PRDM11: variants seen among roughly 807,000 people sequenced by gnomAD.
PRDM11 encodes the protein PR domain-containing protein 11.
A neutral mutation model predicts 97.8 loss-of-function variants in PRDM11; 20 were observed. That is an observed-to-expected ratio of 0.20 (90% CI 0.14 to 0.30). The LOEUF (loss-of-function observed/expected upper bound fraction) is 0.30, where lower values mean the gene tolerates loss of function less well. Ranked by LOEUF, PRDM11 falls within the 10% of genes least tolerant of loss-of-function variation. The probability of loss-of-function intolerance (pLI) is 1.00; values close to 1 mark genes in which losing one functional copy is unlikely to be tolerated. For missense variants in PRDM11, 1,139 were observed against 1,555.2 expected (o/e 0.73, Z 4.50); for synonymous variants, 599 against 637.7 (o/e 0.94, Z 0.91).
chr11:45,164,527 C>T (rs557243130), intron 1 of PRDM11, among the ~76,000 whole-genome samples: 10 of 152,262 alleles, frequency 6.6e-5, no homozygotes, highest in East Asian at 5.8e-4. Flanking sequence ...CGCCAGCCAC[C>T]GTGAGGGCTG....
chr11:45,165,543 T>A (rs1274820939), intron 1 of PRDM11, among the ~76,000 whole-genome samples: 1 of 152,188 alleles, frequency 6.6e-6, no homozygotes, highest in Non-Finnish European at 1.5e-5. Flanking sequence ...GGGGCACATG[T>A]GAATGACACA....
At chr11:45,224,883 T>C (rs1266958774) in intron 7 of PRDM11, 40 bp downstream of exon 7, 1 of 1,606,548 alleles carries the variant, frequency 6.2e-7, no homozygotes, top group South Asian at 1.1e-5. Context: ...GAGGGCAGAG[T>C]ACGCAGTGGG....
rs1449834089 is a variant in PRDM11, at chr11:45,232,137, A to C, written c.*3978A>C. 6.6e-6 allele frequency: 1 copy of C among 152,196 alleles called. No individual in the cohort carries two copies. Among genetic ancestry groups the C allele is most frequent in the African/African-American group, 2.4e-5 (1 of 41,442 alleles). The allele number at this position is 152,196 out of a possible 1,614,324, so 9.4% of individuals were successfully genotyped here. A position where few individuals can be genotyped will look rare whatever the true frequency, so the allele number is the denominator to read the frequency against. On this transcript the variant is annotated 3_prime_UTR_variant, in exon 8 of 8. Coordinates refer to ENST00000683152, the MANE Select transcript of PRDM11 (RefSeq NM_001384648.1). ...TTGTAATTACTTAAGGTAATGTTTA[A>C]ATGTTTTCCATTCATTTGGAGGTGG... is the stretch of plus-strand genomic sequence containing the variant.
intron 1 of PRDM11, among the ~76,000 whole-genome samples, chr11:45,160,969 G>A (rs1851913668): frequency 6.6e-6 from 1 of 152,154 alleles, no homozygotes; most frequent in Non-Finnish European, 1.5e-5. Context: ...TCAAAGGCAT[G>A]GCTTTGTGTG....
chr11:45,156,717 C>G (rs1461876944), intron 1 of PRDM11, among the ~76,000 whole-genome samples: 1 of 152,182 alleles, frequency 6.6e-6, no homozygotes, highest in Non-Finnish European at 1.5e-5. Flanking sequence ...TAGGATGCGC[C>G]TGGCTTGCTC....
chr11:45,224,696 A>G lies in PRDM11; in HGVS notation c.1222A>G (p.Thr408Ala), dbSNP rs1854223057. 1 of 1,613,750 alleles carries G rather than the reference A, an allele frequency of 6.2e-7. No homozygotes were observed. Among genetic ancestry groups the G allele is most frequent in the African/African-American group, 1.3e-5 (1 of 74,788 alleles). The change falls in exon 7 of 8, where the codon ACC becomes GCC. Residue 408 changes from threonine (T) to alanine (A), a missense_variant. Around this residue, in one of 2 missense-constraint regions of PRDM11, gnomAD observed 710 missense variants for 1,044.9 expected, o/e 0.68. Coordinates refer to ENST00000683152, the MANE Select transcript of PRDM11 (RefSeq NM_001384648.1). ...LASDPHELPT[T>A]SFCPNCIRLK... ...ATCTGACCCTCATGAACTTCCCACC[A>G]CCTCTTTTTGCCCTAACTGTATTCG... is the stretch of plus-strand genomic sequence containing the variant.
Position 45,228,122 on chromosome 11 carries a change from C to T in PRDM11, c.3497C>T (p.Thr1166Ile), listed in dbSNP as rs1854321033. Residue 1166 changes from threonine (T) to isoleucine (I), a missense_variant, in exon 8 of 8, where the codon ACC becomes ATC. This residue lies in a region of PRDM11 where 710 missense variants were observed against 1,044.9 expected (regional missense o/e 0.68). Transcript: ENST00000683152. ...SALEQKPALQTMDHGTEFYPD... is the reference protein window; with the variant it reads ...SALEQKPALQIMDHGTEFYPD... Reference sequence around the variant, plus strand: ...CTGGAGCAGAAGCCAGCACTACAGACCATGGACCACGGGACGGAGTTTTAC... The same window carrying T: ...CTGGAGCAGAAGCCAGCACTACAGATCATGGACCACGGGACGGAGTTTTAC... 6.5e-7 allele frequency: 1 copy of T among 1,531,784 alleles called. No homozygotes were observed. Among genetic ancestry groups the T allele is most frequent in the Non-Finnish European group, 8.7e-7 (1 of 1,145,216 alleles). The allele number at this position is 1,531,784 out of a possible 1,614,324, so 94.9% of individuals were successfully genotyped here.
In PRDM11 at chr11:45,119,619, C is replaced by CAA. The variant is rs56367204; in HGVS notation, c.96+23747_96+23748dup. On this transcript the variant is annotated intron_variant, in intron 1 of 6. Coordinates refer to the PRDM11 transcript ENST00000530656. ...CCTGGGTGACAGCGAGATTCTGTCT[C>CAA]AAAAAAAAAAAAAAAAAAAAAAAAA... is the stretch of plus-strand genomic sequence containing the variant. Among the ~76,000 whole-genome samples the CAA allele has an allele frequency of 5.8e-3, 251 of 43,072 alleles. 20 individuals are homozygous for CAA. Among genetic ancestry groups the CAA allele is most frequent in the African/African-American group, 0.015 (112 of 7,516 alleles). The allele number at this position is 43,072 out of a possible 152,430, so 28.3% of individuals were successfully genotyped here.
chr11:45,220,894 G>A (rs1267413980), intron 6 of PRDM11, among the ~76,000 whole-genome samples: 1 of 151,782 alleles, frequency 6.6e-6, no homozygotes, highest in Non-Finnish European at 1.5e-5. Flanking sequence ...CTTCTTTCAA[G>A]GGTGTTTTTT....
At position 45,101,567 on chromosome 11, in the gene PRDM11, A is replaced by AG. The variant is rs1554963214; in HGVS notation, c.96+5666_96+5667insG. On this transcript the variant is annotated intron_variant, in intron 1 of 6. Coordinates refer to the PRDM11 transcript ENST00000530656. Reference sequence around the variant, plus strand: ...CAACACTCTGTCTCAAAAAAAAAAAAAAGAAGAAGAAGAAGAAGAAGAAGA... The same window carrying AG: ...CAACACTCTGTCTCAAAAAAAAAAAAGAAGAAGAAGAAGAAGAAGAAGAAGA... Among the ~76,000 whole-genome samples the AG allele has an allele frequency of 1.5e-3, 141 of 96,848 alleles. 3 individuals carry two copies. The highest frequency in any genetic ancestry group is 3.9e-3 in the East Asian group (18 of 4,610). The allele number at this position is 96,848 out of a possible 152,430, so 63.5% of individuals were successfully genotyped here.
Position 45,217,795 on chromosome 11 carries a change from T to TA in PRDM11, c.555-1774dup. On this transcript the variant is annotated intron_variant, in intron 5 of 7. Transcript: ENST00000683152. ...GCTAGCTGCCACCACTGTCACCTCA[T>TA]ACTGGAATTGGCATTCGTATATTTC... Among the ~76,000 whole-genome samples the TA allele has an allele frequency of 2.0e-5, 3 of 152,382 alleles. No individual in the cohort carries two copies. In the East Asian group the frequency reaches 5.8e-4, roughly 29 times the overall value.
intron 1 of PRDM11, among the ~76,000 whole-genome samples, chr11:45,096,851 G>A (rs957871548): frequency 1.3e-5 from 2 of 152,192 alleles, no homozygotes; most frequent in African/African-American, 2.4e-5. Flanking sequence ...TCATTTCCAA[G>A]TACATTCTCT....
chr11:45,095,742 A>G (rs1465119999), upstream of PRDM11: 9 of 692,442 alleles, frequency 1.3e-5, no homozygotes, highest in Admixed American at 2.3e-5. Flanking sequence ...AATGCAGATT[A>G]TGATGGCCGC....
chr11:45,180,727 G>A (rs1590410864), intron 1 of PRDM11, among the ~76,000 whole-genome samples: 3 of 149,844 alleles, frequency 2.0e-5, no homozygotes, highest in Non-Finnish European at 3.0e-5. Flanking sequence ...GGAGCTCCCC[G>A]CCGGGAAGGC....
At position 45,224,628 on chromosome 11, in the gene PRDM11, C is replaced by G; in HGVS notation, c.1154C>G (p.Pro385Arg). 1 of 1,614,182 alleles carries G rather than the reference C, an allele frequency of 6.2e-7. No individual in the cohort carries two copies. Among genetic ancestry groups the G allele is most frequent in the Non-Finnish European group, 8.5e-7 (1 of 1,180,030 alleles). Residue 385 changes from proline (P) to arginine (R), a missense_variant, in exon 7 of 8, where the codon CCT becomes CGT. Coordinates refer to ENST00000683152, the MANE Select transcript of PRDM11 (RefSeq NM_001384648.1). ...CAATTGGAGGATGAAGAAGAGGAGC[C>G]TTCATCATTCAAGGCCGACAGTCCT... is the stretch of plus-strand genomic sequence containing the variant. Reference protein sequence around the residue: ...PGQLEDEEEEPSSFKADSPAE... With the variant: ...PGQLEDEEEERSSFKADSPAE...
chr11:45,184,247 A>T (rs528917517), intron 4 of PRDM11, among the ~76,000 whole-genome samples: 1 of 152,322 alleles, frequency 6.6e-6, no homozygotes, highest in South Asian at 2.1e-4. Context: ...GGGCCTGGAG[A>T]TGATGGAGGC....
At chr11:45,218,846 C>G (rs1746000348) in intron 5 of PRDM11, among the ~76,000 whole-genome samples, 1 of 152,212 alleles carries the variant, frequency 6.6e-6, no homozygotes, top group South Asian at 2.1e-4. Context: ...CACATAGGAG[C>G]CATGAGTTAC....
intron 4 of PRDM11, among the ~76,000 whole-genome samples, chr11:45,200,095 C>G (rs1853274202): frequency 6.6e-6 from 1 of 152,226 alleles, no homozygotes; most frequent in Non-Finnish European, 1.5e-5. Flanking sequence ...TCACTGTGGC[C>G]TCTCCCTCCA....
chr11:45,162,875 G>A (rs1851963920), intron 1 of PRDM11, among the ~76,000 whole-genome samples: 2 of 152,224 alleles, frequency 1.3e-5, no homozygotes, highest in African/African-American at 4.8e-5. Context: ...ATCTCTGAAT[G>A]AATGGAAAGC....
Sources: allele counts gnomAD v4.1 joint callset (sites outside exome capture counted in the v4.1 genomes callset), GRCh38; gene constraint gnomAD v4.1.1; regional missense constraint gnomAD v4.1.1; transcripts MANE v1.5; gene names NCBI Gene and HGNC (gene_info 2026-07-23, HGNC 2026-07-21).